Variants in NCKAP5 observed in about 807,000 individuals in gnomAD.
NCKAP5 encodes nck-associated protein 5.
NCKAP5 carries 92 observed loss-of-function variants against 167.0 expected under a neutral mutation model. The ratio of observed to expected loss-of-function variants is 0.55; its 90% CI spans 0.47 to 0.66. The LOEUF (loss-of-function observed/expected upper bound fraction) is 0.66, where lower values mean the gene tolerates loss of function less well. Among genes scored for constraint, NCKAP5 ranks in the 30% least tolerant of loss-of-function variants. The pLI is 0.00. For missense variants in NCKAP5, 2,378 were observed against 2,315.0 expected, an observed-to-expected ratio of 1.03 and a Z score of -0.56; for synonymous variants, 891 against 877.4, an observed-to-expected ratio of 1.02 and a Z score of -0.27.
chr2:133,302,777 A>C (rs533854443), intron 4 of NCKAP5, among the ~76,000 whole-genome samples: 1 of 151,014 alleles, frequency 6.6e-6, no homozygotes, highest in South Asian at 2.1e-4. Context: ...AACTTAGAGT[A>C]TAATAAAAAA....
At chr2:133,102,812 C>T (rs1218476891) in intron 6 of NCKAP5, among the ~76,000 whole-genome samples, 1 of 150,586 alleles carries the variant, frequency 6.6e-6, no homozygotes, top group East Asian at 2.0e-4. Context: ...ACAATGGCTG[C>T]ATGGGTTCTG....
At chr2:133,444,051 AT>A (rs912587790) in intron 3 of NCKAP5, among the ~76,000 whole-genome samples, 7 of 140,300 alleles carry the variant, frequency 5.0e-5, no homozygotes, top group African/African-American at 1.8e-4. Context: ...AAGTCCTTTT[AT>A]TTTTTTTTCA....
intron 8 of NCKAP5, among the ~76,000 whole-genome samples, chr2:132,897,212 A>T (rs1386779690): frequency 6.6e-6 from 1 of 152,208 alleles, no homozygotes; most frequent in Non-Finnish European, 1.5e-5. Context: ...CCCTCAGAGC[A>T]TGGCTGGCCT....
intron 4 of NCKAP5, among the ~76,000 whole-genome samples, chr2:133,250,058 G>A (rs2088230675): frequency 8.0e-6 from 1 of 125,140 alleles, no homozygotes; most frequent in African/African-American, 2.9e-5. Context: ...TAAGAAGAGA[G>A]GTTTTAAACA....
chr2:133,266,031 C>A (rs1392655572), intron 4 of NCKAP5, among the ~76,000 whole-genome samples: 1 of 152,150 alleles, frequency 6.6e-6, no homozygotes. Flanking sequence ...CTGGAAGATG[C>A]CAACGTGGAA....
At chr2:132,852,964 T>A (rs1157046600) in intron 11 of NCKAP5, among the ~76,000 whole-genome samples, 2 of 152,218 alleles carry the variant, frequency 1.3e-5, no homozygotes, top group Non-Finnish European at 2.9e-5. Flanking sequence ...CTAAACTATC[T>A]CTGTGTCCTC....
rs181098591 is a variant in NCKAP5, at chr2:133,560,253, G to C, written c.-129-1136C>G. 2.1e-3 allele frequency among the ~76,000 whole-genome samples: 313 copies of C among 152,196 alleles called. 2 individuals carry two copies. The highest frequency in any genetic ancestry group is 4.1e-4 in the Non-Finnish European group (28 of 68,010). On this transcript the variant is annotated intron_variant, in intron 1 of 19. Coordinates refer to ENST00000409261, the MANE Select transcript of NCKAP5 (RefSeq NM_207363.3). ...TACTAATTTAAAAATCAGAAAACTT[G>C]TGTATATTCATCTATTCACCAAATA... is the stretch of plus-strand genomic sequence containing the variant.
chr2:133,262,255 G>T (rs1397067980), intron 4 of NCKAP5, among the ~76,000 whole-genome samples: 1 of 152,124 alleles, frequency 6.6e-6, no homozygotes, highest in Non-Finnish European at 1.5e-5. Context: ...AGACCTACAT[G>T]TTCCCAAGTT....
In NCKAP5 at chr2:133,468,216, G is replaced by A. The variant is rs186219627; in HGVS notation, c.69+49242C>T. On this transcript the variant is annotated intron_variant, in intron 3 of 19. Transcript: ENST00000409261. ...AGAGATTCTGGTATATTGTGTCTTT[G>A]TTCTAGTTGGTTTCAAAGAACATTT... Among the ~76,000 whole-genome samples, 2 of 139,706 alleles carry A rather than the reference G, an allele frequency of 1.4e-5. 1 individual carries two copies. The highest frequency in any genetic ancestry group is 5.5e-5 in the African/African-American group (2 of 36,204). 91.7% of individuals were successfully genotyped at this position (139,706 alleles called of 152,430 possible). A position where few individuals can be genotyped will look rare whatever the true frequency, so the allele number is the denominator to read the frequency against.
chr2:133,090,623 T>C (rs1318562885), intron 6 of NCKAP5, among the ~76,000 whole-genome samples: 1 of 152,134 alleles, frequency 6.6e-6, no homozygotes, highest in Non-Finnish European at 1.5e-5. Flanking sequence ...TTTCTGTCCT[T>C]TTAAGCCACC....
intron 4 of NCKAP5, among the ~76,000 whole-genome samples, chr2:133,223,379 A>C (rs2086737594): frequency 6.6e-6 from 1 of 152,070 alleles, no homozygotes; most frequent in Admixed American, 6.5e-5. Flanking sequence ...GCCAAGACCC[A>C]TTCTCTCCCC....
chr2:133,239,187 A>G (rs2087563373), intron 4 of NCKAP5, among the ~76,000 whole-genome samples: 1 of 152,206 alleles, frequency 6.6e-6, no homozygotes, highest in Admixed American at 6.5e-5. Context: ...TATTATGTTT[A>G]CTAGAAAGAA....
intron 5 of NCKAP5, among the ~76,000 whole-genome samples, chr2:133,207,563 A>C (rs2086009733): frequency 6.6e-6 from 1 of 152,134 alleles, no homozygotes; most frequent in African/African-American, 2.4e-5. Context: ...GCTGATTCTA[A>C]GACGGGGGTA....
the NCKAP5 span, among the ~76,000 whole-genome samples, chr2:133,599,555 A>G: frequency 6.6e-6 from 1 of 152,204 alleles, no homozygotes; most frequent in Admixed American, 6.5e-5. Context: ...TCTAAGTGCC[A>G]GGCATACTGG....
rs973424704 is a variant in NCKAP5 at position 132,829,312 on chromosome 2, G to A, written c.807+31180C>T. ...TTATCTGTAAGATGGGAGCAGCAAC[G>A]CCTACCTTATGGAATGCTGGGGGAA... On this transcript the variant is annotated intron_variant, in intron 11 of 19. Transcript: ENST00000409261. Among the ~76,000 whole-genome samples, 9 of 152,074 alleles carry A rather than the reference G, an allele frequency of 5.9e-5. No homozygotes were observed. The South Asian group carries it at 6.2e-4, about 10-fold the overall frequency.
At chr2:133,273,172 G>A (rs1284552666) in intron 4 of NCKAP5, among the ~76,000 whole-genome samples, 1 of 152,154 alleles carries the variant, frequency 6.6e-6, no homozygotes, top group Non-Finnish European at 1.5e-5. Context: ...CACCAGCAAT[G>A]TCTCAGCGTT....
Position 133,107,660 on chromosome 2 carries a change from G to A in NCKAP5, c.341+22318C>T, listed in dbSNP as rs539088541. 2.7e-4 allele frequency among the ~76,000 whole-genome samples: 41 copies of A among 152,236 alleles called. 1 individual carries two copies. In the South Asian group the frequency reaches 3.7e-3, roughly 14 times the overall value. On this transcript the variant is annotated intron_variant, in intron 6 of 19. Coordinates refer to ENST00000409261, the MANE Select transcript of NCKAP5 (RefSeq NM_207363.3). ...CACTTACTGAGAGCCACTATGAGGC[G>A]GGTGCTGTGCCATGTTCCCTAGATA...
intron 6 of NCKAP5, among the ~76,000 whole-genome samples, chr2:133,104,657 G>A (rs565538046): frequency 6.6e-6 from 1 of 152,270 alleles, no homozygotes; most frequent in African/African-American, 2.4e-5. Context: ...CCTTTGCCAT[G>A]GCCTTTTATA....
At chr2:133,008,987 A>G (rs918693137) in intron 6 of NCKAP5, among the ~76,000 whole-genome samples, 7 of 152,122 alleles carry the variant, frequency 4.6e-5, no homozygotes, top group Admixed American at 4.6e-4. Flanking sequence ...TTCCAGCTTA[A>G]GTCCCATCTC....
Sources: gnomAD v4.1 joint callset for allele counts (sites outside exome capture counted in the v4.1 genomes callset) on GRCh38, gnomAD v4.1.1 for gene constraint, MANE v1.5 for transcripts, NCBI Gene and HGNC (gene_info 2026-07-23, HGNC 2026-07-21) for gene names.